CA10: variants seen among roughly 807,000 people sequenced by gnomAD.
CA10 encodes carbonic anhydrase-related protein 10.
A neutral mutation model predicts 44.2 loss-of-function variants in CA10; 14 were observed. The observed-to-expected ratio is 0.32, with a 90% CI of 0.21 to 0.50. CA10 has a LOEUF of 0.50. Among genes scored for constraint, CA10 ranks in the 20% least tolerant of loss-of-function variants. The probability of loss-of-function intolerance (pLI) is 0.99; values close to 1 mark genes in which losing one functional copy is unlikely to be tolerated. For missense variants in CA10, 350 were observed against 409.7 expected (o/e 0.85, Z 1.26); for synonymous variants, 159 against 141.6 (o/e 1.12, Z -0.87).
At chr17:51,958,257 GTTT>G (rs56021809) in intron 2 of CA10, among the ~76,000 whole-genome samples, 2,880 of 146,512 alleles carry the variant, frequency 0.02, 74 homozygotes, top group African/African-American at 0.063. Flanking sequence ...AAATAACTGA[GTTT>G]TTTTTTTTTT....
chr17:51,786,206 TTGTGTGTC>T (rs1047834720), intron 3 of CA10, among the ~76,000 whole-genome samples: 4 of 123,834 alleles, frequency 3.2e-5, no homozygotes, highest in South Asian at 6.1e-4. Context: ...TCTAACATCT[TTGTGTGTC>T]TGTGTGTGTG....
At chr17:51,953,655 C>A (rs1441220248) in intron 2 of CA10, among the ~76,000 whole-genome samples, 1 of 151,990 alleles carries the variant, frequency 6.6e-6, no homozygotes, top group African/African-American at 2.4e-5. Context: ...AAAAGGAGCA[C>A]TGTGTATATT....
At chr17:51,905,652 A>G (rs1474805822) in intron 3 of CA10, among the ~76,000 whole-genome samples, 1 of 149,622 alleles carries the variant, frequency 6.7e-6, no homozygotes, top group Non-Finnish European at 1.5e-5. Flanking sequence ...TCTTATCCCC[A>G]GGCTATTTAA....
At chr17:52,061,860 G>A (rs1160673727) in intron 2 of CA10, among the ~76,000 whole-genome samples, 2 of 152,192 alleles carry the variant, frequency 1.3e-5, no homozygotes, top group East Asian at 1.9e-4. Flanking sequence ...AAAAGGACTA[G>A]CACATGGAGC....
At chr17:51,974,472 A>C (rs1038945218) in intron 2 of CA10, among the ~76,000 whole-genome samples, 1 of 151,876 alleles carries the variant, frequency 6.6e-6, no homozygotes, top group Admixed American at 6.6e-5. Flanking sequence ...ACTCGCAGAC[A>C]AGAATAAAAG....
intron 4 of CA10, among the ~76,000 whole-genome samples, chr17:51,696,348 A>T (rs1373875925): frequency 1.3e-5 from 2 of 152,196 alleles, no homozygotes; most frequent in Admixed American, 6.5e-5. Flanking sequence ...TTGGAACTTA[A>T]TATTGGTCTG....
At chr17:51,743,230 G>T (rs1263979) in intron 4 of CA10, among the ~76,000 whole-genome samples, 61,186 of 152,080 alleles carry the variant, frequency 0.4, 13,404 homozygotes, top group Middle Eastern at 0.51. Context: ...AAATCAGGAA[G>T]ATTCTTCTTG....
chr17:52,089,632 T>C (rs911235357), intron 1 of CA10, among the ~76,000 whole-genome samples: 1 of 152,028 alleles, frequency 6.6e-6, no homozygotes, highest in African/African-American at 2.4e-5. Flanking sequence ...ACACTTATGA[T>C]AAAGTTTAAT....
At chr17:51,761,796 T>C (rs557136899) in intron 3 of CA10, 2 of 152,322 alleles carry the variant, frequency 1.3e-5, no homozygotes, top group South Asian at 2.1e-4. Flanking sequence ...CCTAAACTGA[T>C]ATATAGACAT....
At chr17:51,850,473 A>T (rs1213318248) in intron 3 of CA10, among the ~76,000 whole-genome samples, 1 of 152,072 alleles carries the variant, frequency 6.6e-6, no homozygotes, top group Non-Finnish European at 1.5e-5. Context: ...ACAGAATGAG[A>T]TTTCTTGACC....
At chr17:51,823,289 T>A (rs1490310135) in intron 3 of CA10, among the ~76,000 whole-genome samples, 1 of 152,128 alleles carries the variant, frequency 6.6e-6, no homozygotes, top group East Asian at 1.9e-4. Flanking sequence ...ATCAGCAGAC[T>A]CCAGGAAGCC....
chr17:51,764,521 T>C (rs1435888135), intron 3 of CA10, among the ~76,000 whole-genome samples: 1 of 152,178 alleles, frequency 6.6e-6, no homozygotes, highest in Non-Finnish European at 1.5e-5. Flanking sequence ...CTGAATGCAA[T>C]GGACTGTGTG....
At chr17:52,037,016 T>C (rs985590269) in intron 2 of CA10, among the ~76,000 whole-genome samples, 8 of 151,912 alleles carry the variant, frequency 5.3e-5, no homozygotes, top group Non-Finnish European at 1.0e-4. Flanking sequence ...CATTCTAAGG[T>C]CTCCATTATA....
At chr17:51,889,624 G>A (rs1198034170) in intron 3 of CA10, among the ~76,000 whole-genome samples, 2 of 152,126 alleles carry the variant, frequency 1.3e-5, no homozygotes, top group Admixed American at 6.6e-5. Flanking sequence ...ATCACTACTG[G>A]GAAGCATGGT....
chr17:52,094,631 G>A lies in CA10; in HGVS notation c.62-22238C>T, dbSNP rs78738543. On this transcript the variant is annotated intron_variant, in intron 1 of 8. Coordinates refer to ENST00000451037, the MANE Select transcript of CA10 (RefSeq NM_020178.5). ...CCAGAAATACTTTAAAACTTAATAG[G>A]GAAAAGACGAAGTCTTTTGTTCATT... is the stretch of plus-strand genomic sequence containing the variant. Among the ~76,000 whole-genome samples, 748 of 152,168 alleles carry A rather than the reference G, an allele frequency of 4.9e-3. 1 individual carries two copies. The highest frequency in any genetic ancestry group is 6.8e-3 in the Non-Finnish European group (461 of 68,002).
intron 4 of CA10, among the ~76,000 whole-genome samples, chr17:51,658,373 A>C (rs1405790613): frequency 6.6e-6 from 1 of 152,252 alleles, no homozygotes; most frequent in African/African-American, 2.4e-5. Flanking sequence ...AAACAAAACA[A>C]GATTTTGACT....
chr17:52,122,530 T>G (rs1989034433), intron 1 of CA10, among the ~76,000 whole-genome samples: 8 of 152,180 alleles, frequency 5.3e-5, no homozygotes, highest in Admixed American at 5.2e-4. Flanking sequence ...CCTCTTAAAT[T>G]TGCACCCAAG....
At chr17:52,049,141 A>T (rs1263242103) in intron 2 of CA10, among the ~76,000 whole-genome samples, 3 of 152,112 alleles carry the variant, frequency 2.0e-5, no homozygotes, top group Non-Finnish European at 1.5e-5. Context: ...AAGGCTAAAC[A>T]GGAGCAGAAG....
Position 51,931,139 on chromosome 17 carries a change from AC to A in CA10, c.137-8del. 1 of 1,613,094 alleles carries A rather than the reference AC, an allele frequency of 6.2e-7. No homozygotes were observed. The highest frequency in any genetic ancestry group is 8.5e-7 in the Non-Finnish European group (1 of 1,179,472). On this transcript the variant is annotated splice_region_variant and splice_polypyrimidine_tract_variant and intron_variant, in intron 2 of 8. Coordinates refer to ENST00000451037, the MANE Select transcript of CA10 (RefSeq NM_020178.5). ...AATCCCCAGAAAGAAGGAACTAGAA[AC>A]AAAAAGAAATTATAGAATTAGGCTG...
Sources: allele counts gnomAD v4.1 joint callset (sites outside exome capture counted in the v4.1 genomes callset), GRCh38; gene constraint gnomAD v4.1.1; transcripts MANE v1.5; gene names NCBI Gene and HGNC (gene_info 2026-07-23, HGNC 2026-07-21).